Variants in TAGLN2 observed in about 807,000 individuals in gnomAD.
The protein encoded by TAGLN2 is transgelin 2.
In TAGLN2, 14 loss-of-function variants were observed where a neutral mutation model predicts 24.9. The ratio of observed to expected loss-of-function variants is 0.56; its 90% confidence interval spans 0.37 to 0.88. The LOEUF is 0.88. Among genes scored for constraint, TAGLN2 ranks in the 40% least tolerant of loss-of-function variants. The probability of loss-of-function intolerance (pLI) is 0.00; values close to 1 mark genes in which losing one functional copy is unlikely to be tolerated. For missense variants in TAGLN2, 208 were observed against 258.9 expected, an observed-to-expected ratio of 0.80 and a Z score of 1.35; for synonymous variants, 77 against 98.2, an observed-to-expected ratio of 0.78 and a Z score of 1.28.
chr1:159,920,365 G>C lies in TAGLN2; in HGVS notation c.145C>G (p.Arg49Gly), dbSNP rs199842829. 4 of 1,614,230 alleles carry C rather than the reference G, an allele frequency of 2.5e-6. No individual in the cohort carries two copies. The highest frequency in any genetic ancestry group is 1.1e-5 in the South Asian group (1 of 91,086). ...TTGAGCCAGTTCTGGAAGTTCTCGC[G>C]TCCAGGCTGGGGCCGGCCCACATCC... is the stretch of plus-strand genomic sequence containing the variant. ...RKDVGRPQPG[R>G]ENFQNWLKDG... Residue 49 changes from arginine to glycine, a missense_variant, in exon 2 of 5, where the codon CGC becomes GGC. Transcript: ENST00000368097.
intron 2 of TAGLN2, 49 bp from the exon 3 acceptor site, chr1:159,919,884 G>A (rs763315675): frequency 3.3e-5 from 52 of 1,591,782 alleles, no homozygotes; most frequent in Non-Finnish European, 4.2e-5. Flanking sequence ...CCTACCTATC[G>A]CAGCTCAGCG....
chr1:159,919,335 C>T lies in TAGLN2; in HGVS notation c.397G>A (p.Gly133Ser), dbSNP rs1650445772. 6.2e-7 allele frequency: 1 copy of T among 1,614,116 alleles called. No homozygotes were observed. The highest frequency in any genetic ancestry group is 1.3e-5 in the African/African-American group (1 of 74,926). The part of the protein sequence containing the change: ...ACVQRTLMNL[G>S]GLAVARDDGL... ...TCATCTCGGGCTACTGCCAGCCCAC[C>T]CAGATTCATCAGCGTCCGCTGCACA... The change falls in exon 4 of 5, where the codon GGT (glycine) becomes AGT (serine). Residue 133 changes from glycine to serine, a missense_variant. Coordinates refer to ENST00000368097, the MANE Select transcript of TAGLN2 (RefSeq NM_003564.3).
At chr1:159,924,866 T>A (rs1488161951) in intron 1 of TAGLN2, among the ~76,000 whole-genome samples, 1 of 152,096 alleles carries the variant, frequency 6.6e-6, no homozygotes, top group African/African-American at 2.4e-5. Flanking sequence ...GGGACCGTCA[T>A]AGAGATGACT....
Position 159,920,304 on chromosome 1 carries a change from C to T in TAGLN2, c.180+26G>A, listed in dbSNP as rs761312660. ...ACCCAGTCCTGCTCTCCCTGCACTTCCAAGCCAGTGGGGCCCGGCTCTCAC... is the reference window on the plus strand; with the variant it reads ...ACCCAGTCCTGCTCTCCCTGCACTTTCAAGCCAGTGGGGCCCGGCTCTCAC... On this transcript the variant is annotated intron_variant, in intron 2 of 4. Coordinates refer to ENST00000368097, the MANE Select transcript of TAGLN2 (RefSeq NM_003564.3). 5.6e-6 allele frequency: 9 copies of T among 1,614,102 alleles called. No individual in the cohort carries two copies. In the African/African-American group the frequency reaches 1.2e-4, roughly 22 times the overall value.
chr1:159,923,253 C>A (rs1203880877), intron 1 of TAGLN2, among the ~76,000 whole-genome samples: 3 of 152,196 alleles, frequency 2.0e-5, no homozygotes, highest in Non-Finnish European at 4.4e-5. Flanking sequence ...GAGCTGGGGA[C>A]CCCAAAGGAA....
At chr1:159,922,453 C>T (rs899203427) in intron 1 of TAGLN2, among the ~76,000 whole-genome samples, 5 of 152,144 alleles carry the variant, frequency 3.3e-5, no homozygotes, top group Non-Finnish European at 5.9e-5. Flanking sequence ...GGAAGGCAGG[C>T]GGGGTGGGGT....
At chr1:159,921,874 G>A (rs1434625383) in intron 1 of TAGLN2, among the ~76,000 whole-genome samples, 1 of 152,232 alleles carries the variant, frequency 6.6e-6, no homozygotes, top group Non-Finnish European at 1.5e-5. Flanking sequence ...GCCAAGGGGA[G>A]CCAAGAACCA....
chr1:159,925,202 G>T (rs1456493412), intron 1 of TAGLN2: 1 of 151,894 alleles, frequency 6.6e-6, no homozygotes, highest in African/African-American at 2.4e-5. Flanking sequence ...CAGTCCCTGA[G>T]TCCCTGCTCC....
intron 2 of TAGLN2, 86 bp from the exon 3 acceptor site, chr1:159,919,921 T>G: frequency 6.8e-7 from 1 of 1,460,828 alleles, no homozygotes; most frequent in Non-Finnish European, 9.4e-7. Flanking sequence ...CCAGAGACAA[T>G]GAACCAGAGA....
At chr1:159,923,497 T>C in intron 1 of TAGLN2, 1 of 1,545,424 alleles carries the variant, frequency 6.5e-7, no homozygotes, top group Non-Finnish European at 8.7e-7. Flanking sequence ...GACTTCAGGG[T>C]TCTTGGCTAG....
intron 1 of TAGLN2, among the ~76,000 whole-genome samples, chr1:159,922,855 T>C (rs1650579537): frequency 6.6e-6 from 1 of 151,744 alleles, no homozygotes; most frequent in Admixed American, 6.6e-5. Context: ...CACCACTGGG[T>C]GGAAAGTGGA....
chr1:159,920,638 C>T (rs547809316), intron 1 of TAGLN2, 101 bp from the exon 2 acceptor site: 152 of 1,486,188 alleles, frequency 1.0e-4, no homozygotes, highest in Middle Eastern at 7.1e-4. Flanking sequence ...ATTTCCCCCA[C>T]GGTGAGCCCC....
At chr1:159,923,659 C>G (rs1163338685) in intron 1 of TAGLN2, 9 of 512,422 alleles carry the variant, frequency 1.8e-5, no homozygotes, top group Non-Finnish European at 3.0e-5. Context: ...CAGCCAGCAG[C>G]AAGGATGGGG....
At position 159,919,759 on chromosome 1, in the gene TAGLN2, G is replaced by T; in HGVS notation, c.257C>A (p.Ala86Asp). 1.2e-6 allele frequency: 2 copies of T among 1,614,052 alleles called. No homozygotes were observed. The highest frequency in any genetic ancestry group is 2.2e-5 in the East Asian group (1 of 44,868). ...AGAGATCTGCTCCATCTGCTTGAAG[G>T]CCATGGTGGAGGCCTGGATCTTCTT... ...PVKKIQASTM[A>D]FKQMEQISQF... Residue 86 changes from alanine to aspartate, a missense_variant, in exon 3 of 5, where the codon GCC becomes GAC. Coordinates refer to ENST00000368097, the MANE Select transcript of TAGLN2 (RefSeq NM_003564.3).
intron 1 of TAGLN2, chr1:159,923,666 G>T: frequency 4.1e-6 from 2 of 490,588 alleles, no homozygotes; most frequent in Non-Finnish European, 7.0e-6. Context: ...CAGCAAGGAT[G>T]GGGGGCGGCC....
rs1437337060 is a variant in TAGLN2, at chr1:159,918,780, G to T, written c.*20C>A. 17 of 1,611,954 alleles carry T rather than the reference G, an allele frequency of 1.1e-5. No individual in the cohort carries two copies. The highest frequency in any genetic ancestry group is 1.4e-5 in the Non-Finnish European group (17 of 1,178,816). On this transcript the variant is annotated 3_prime_UTR_variant, in exon 5 of 5. Coordinates refer to ENST00000368097, the MANE Select transcript of TAGLN2 (RefSeq NM_003564.3). ...ATATTAACCATTCGTGGGAGGGCAG[G>T]GGCAAGGCCTGGGGTGGGATCAGAG...
At chr1:159,923,855 G>A (rs1259027727) in intron 1 of TAGLN2, 3 of 213,726 alleles carry the variant, frequency 1.4e-5, no homozygotes, top group East Asian at 2.1e-4. Context: ...TGGGGGCTCC[G>A]GGCAGAAACA....
In TAGLN2 at chr1:159,919,765, G is replaced by A. The variant is rs1483650357; in HGVS notation, c.251C>T (p.Thr84Ile). 6.2e-7 allele frequency: 1 copy of A among 1,613,940 alleles called. No individual in the cohort carries two copies. The highest frequency in any genetic ancestry group is 1.3e-5 in the African/African-American group (1 of 74,902). The change falls in exon 3 of 5, where the codon ACC becomes ATC. Residue 84 changes from threonine (T) to isoleucine (I), a missense_variant. Physicochemically the swap from Thr to Ile is moderately conservative, Grantham distance 89. Coordinates refer to ENST00000368097, the MANE Select transcript of TAGLN2 (RefSeq NM_003564.3). ...CTGCTCCATCTGCTTGAAGGCCATG[G>A]TGGAGGCCTGGATCTTCTTTACTGG... is the stretch of plus-strand genomic sequence containing the variant. ...QAPVKKIQAS[T>I]MAFKQMEQIS... is the part of the protein sequence containing the mutation.
intron 1 of TAGLN2, among the ~76,000 whole-genome samples, chr1:159,921,863 T>C (rs1650542133): frequency 1.3e-5 from 2 of 152,210 alleles, no homozygotes. Context: ...ATGGTATGGA[T>C]GCCAAGGGGA....
Sources: allele counts gnomAD v4.1 joint callset (sites outside exome capture counted in the v4.1 genomes callset), GRCh38; gene constraint gnomAD v4.1.1; transcripts MANE v1.5; gene names NCBI Gene and HGNC (gene_info 2026-07-23, HGNC 2026-07-21).